ZFAND4: variants seen among roughly 807,000 people sequenced by gnomAD.
The protein encoded by ZFAND4 is AN1-type zinc finger protein 4.
Under a neutral mutation model 64.4 loss-of-function variants are expected in ZFAND4, and 43 were observed. That is an observed-to-expected ratio of 0.67 (90% CI 0.52 to 0.86). ZFAND4 has a LOEUF of 0.86. Among genes scored for constraint, ZFAND4 ranks in the 40% least tolerant of loss-of-function variants. The probability of loss-of-function intolerance (pLI) is 0.00; values close to 1 mark genes in which losing one functional copy is unlikely to be tolerated. For missense variants in ZFAND4, 929 were observed against 859.8 expected, an observed-to-expected ratio of 1.08 and a Z score of -1.01; for synonymous variants, 296 against 305.7, an observed-to-expected ratio of 0.97 and a Z score of 0.33.
At chr10:45,619,437 T>C (rs1292366315) in intron 8 of ZFAND4, among the ~76,000 whole-genome samples, 3 of 152,186 alleles carry the variant, frequency 2.0e-5, no homozygotes, top group African/African-American at 4.8e-5. Context: ...TCAAAGTTCC[T>C]GCCCATAGTT....
At position 45,626,397 on chromosome 10, in the gene ZFAND4, G is replaced by C; in HGVS notation, c.1426C>G (p.Arg476Gly). 6.2e-7 allele frequency: 1 copy of C among 1,614,086 alleles called. No individual in the cohort carries two copies. Among genetic ancestry groups the C allele is most frequent in the Non-Finnish European group, 8.5e-7 (1 of 1,180,040 alleles). Residue 476 changes from arginine (R) to glycine (G), a missense_variant, in exon 7 of 10, where the codon CGC becomes GGC. By Grantham distance (125) the Arg-to-Gly change is moderately radical (BLOSUM62 -2). Transcript: ENST00000344646. ...PHKNRLLSPL[R>G]CSAPMSLHNS... ...TGTAGCGACATTGGTGCAGAACAGC[G>C]AAGAGGTGACAAGAGTCTATTCTTG...
intron 1 of ZFAND4, among the ~76,000 whole-genome samples, chr10:45,666,985 G>C (rs537061481): frequency 3.9e-5 from 6 of 152,252 alleles, no homozygotes; most frequent in African/African-American, 1.2e-4. Flanking sequence ...TCCTTGAATT[G>C]CCATATGAAT....
rs766773865 is a variant in ZFAND4 at position 45,640,329 on chromosome 10, C to A, written c.570-366G>T. The A allele has an allele frequency of 1.1e-4, 135 of 1,249,576 alleles. No individual in the cohort carries two copies. The Middle Eastern group carries it at 2.0e-3, about 19-fold the overall frequency. The allele number at this position is 1,249,576 out of a possible 1,614,324, so 77.4% of individuals were successfully genotyped here. A position where few individuals can be genotyped will look rare whatever the true frequency, so the allele number is the denominator to read the frequency against. On this transcript the variant is annotated intron_variant, in intron 5 of 9. Transcript: ENST00000344646. Reference sequence around the variant, plus strand: ...AAGGCTGATAATTGTGCAACCCAGACAACAGGCTGATGAGATTTCCATGAA... The same window carrying A: ...AAGGCTGATAATTGTGCAACCCAGAAAACAGGCTGATGAGATTTCCATGAA...
At chr10:45,645,566 T>C (rs1489087503) in intron 5 of ZFAND4, among the ~76,000 whole-genome samples, 1 of 152,226 alleles carries the variant, frequency 6.6e-6, no homozygotes, top group East Asian at 1.9e-4. Flanking sequence ...CTTCATAATG[T>C]TTCATAATGA....
At position 45,616,359 on chromosome 10, in the gene ZFAND4, A is replaced by C; in HGVS notation, c.*77T>G. On this transcript the variant is annotated 3_prime_UTR_variant, in exon 10 of 10. Coordinates refer to ENST00000344646, the MANE Select transcript of ZFAND4 (RefSeq NM_174890.4). ...TGGCAAATCTTTTAGAGTCGAACAA[A>C]AATAATAGTCTAAACAACATTTCTT... 1 of 1,550,530 alleles carries C rather than the reference A, an allele frequency of 6.4e-7. No homozygotes were observed. Among genetic ancestry groups the C allele is most frequent in the Non-Finnish European group, 8.7e-7 (1 of 1,148,658 alleles).
chr10:45,640,249 TCC>T, intron 5 of ZFAND4: 2 of 1,217,318 alleles, frequency 1.6e-6, no homozygotes, highest in Non-Finnish European at 2.1e-6. Context: ...GCCATATCAT[TCC>T]CAAAGAGGCA....
At chr10:45,630,736 A>G (rs1224365861) in intron 6 of ZFAND4, among the ~76,000 whole-genome samples, 5 of 152,000 alleles carry the variant, frequency 3.3e-5, no homozygotes, top group Non-Finnish European at 7.4e-5. Flanking sequence ...AAAAACAAAA[A>G]TACTGAGGAA....
intron 2 of ZFAND4, among the ~76,000 whole-genome samples, chr10:45,657,484 C>T (rs1214169530): frequency 6.6e-6 from 1 of 152,236 alleles, no homozygotes; most frequent in East Asian, 1.9e-4. Context: ...TTATGTATTA[C>T]TCATACAAAC....
rs1004003630 is a variant in ZFAND4 at position 45,652,988 on chromosome 10, A to T, written c.256T>A (p.Tyr86Asn). 3.1e-6 allele frequency: 5 copies of T among 1,610,828 alleles called. No homozygotes were observed. The highest frequency in any genetic ancestry group is 1.7e-5 in the Admixed American group (1 of 59,820). Reference protein sequence around the residue: ...ELENDYCLNDYNISEGCTLKL... With the variant: ...ELENDYCLNDNNISEGCTLKL... ...CCAATATGCAATTACACTCACTTGT[A>T]ATCATTCAAGCAATAATCATTTTCA... is the stretch of plus-strand genomic sequence containing the variant. The change falls in exon 3 of 10, where the codon TAC becomes AAC. Residue 86 changes from tyrosine to asparagine, a missense_variant. Tyr to Asn is a moderately radical substitution (Grantham distance 143, BLOSUM62 -2). Transcript: ENST00000344646.
chr10:45,624,140 C>T (rs1156401086), intron 8 of ZFAND4, among the ~76,000 whole-genome samples: 1 of 152,122 alleles, frequency 6.6e-6, no homozygotes. Context: ...AAGGGCTGGC[C>T]CTACAGACTG....
At position 45,659,489 on chromosome 10, in the gene ZFAND4, G is replaced by C. The variant is rs551742903; in HGVS notation, c.184+4053C>G. Among the ~76,000 whole-genome samples, 3 of 152,264 alleles carry C rather than the reference G, an allele frequency of 2.0e-5. No homozygotes were observed. In the South Asian group the frequency reaches 6.2e-4, roughly 32 times the overall value. On this transcript the variant is annotated intron_variant, in intron 2 of 9. Coordinates refer to ENST00000344646, the MANE Select transcript of ZFAND4 (RefSeq NM_174890.4). ...AACATTAAACACAGCCCAATTTCTA[G>C]CAAGTTGAAGATAAAACCTCACTCT...
chr10:45,662,506 G>A, intron 2 of ZFAND4: 1 of 720,858 alleles, frequency 1.4e-6, no homozygotes, highest in Non-Finnish European at 1.7e-6. Flanking sequence ...TCCAAAAAAG[G>A]TATCCTTTAA....
At position 45,616,437 on chromosome 10, in the gene ZFAND4, T is replaced by C. The variant is rs146432350; in HGVS notation, c.2183A>G (p.Ter728=). ...VVNAPKLPKI[*] ...GAACAGTAAGATGTAGAGGAAGAGT[T>C]AGATTTTTGGAAGCTTTGGTGCATT... is the stretch of plus-strand genomic sequence containing the variant. Residue 728 remains the stop codon, a stop_retained_variant, in exon 10 of 10, where the codon TAA becomes TGA. Coordinates refer to ENST00000344646, the MANE Select transcript of ZFAND4 (RefSeq NM_174890.4). The C allele has an allele frequency of 1.9e-6, 3 of 1,613,974 alleles. No individual in the cohort carries two copies. Among genetic ancestry groups the C allele is most frequent in the Middle Eastern group, 1.6e-4 (1 of 6,082 alleles).
chr10:45,635,195 C>CAAAAAAAAAAAAAAAAAACAAAAAAAAA lies in ZFAND4; in HGVS notation c.717+4593_717+4620dup, dbSNP rs2046478075. 3.3e-3 allele frequency among the ~76,000 whole-genome samples: 90 copies of CAAAAAAAAAAAAAAAAAACAAAAAAAAA among 27,566 alleles called. 2 individuals carry two copies. The highest frequency in any genetic ancestry group is 3.6e-3 in the African/African-American group (21 of 5,858). 18.1% of individuals were successfully genotyped at this position (27,566 alleles called of 152,430 possible). Reference sequence around the variant, plus strand: ...CACAGAATAGTCAAAGCCATCTAAGCAAAAAAAAAAAAAAAAAACAAAAAA... The same window carrying CAAAAAAAAAAAAAAAAAACAAAAAAAAA: ...CACAGAATAGTCAAAGCCATCTAAGCAAAAAAAAAAAAAAAAAACAAAAAAAAAAAAAAAAAAAAAAAAAAACAAAAAA... On this transcript the variant is annotated intron_variant, in intron 6 of 9. Coordinates refer to ENST00000344646, the MANE Select transcript of ZFAND4 (RefSeq NM_174890.4).
At chr10:45,656,501 C>CAAAAAAA (rs541781976) in intron 2 of ZFAND4, among the ~76,000 whole-genome samples, 28 of 24,640 alleles carry the variant, frequency 1.1e-3, no homozygotes, top group Non-Finnish European at 1.3e-3. Context: ...GAACCTGTCT[C>CAAAAAAA]AAAAAAAAAA....
At chr10:45,667,688 C>T (rs915669084) in intron 1 of ZFAND4, among the ~76,000 whole-genome samples, 5 of 152,032 alleles carry the variant, frequency 3.3e-5, no homozygotes, top group Non-Finnish European at 7.4e-5. Context: ...AGGCTGGTCT[C>T]GAACTGCTGA....
At chr10:45,666,521 C>T (rs2048836596) in intron 1 of ZFAND4, among the ~76,000 whole-genome samples, 1 of 149,738 alleles carries the variant, frequency 6.7e-6, no homozygotes, top group Non-Finnish European at 1.5e-5. Flanking sequence ...TCTTTTGAAA[C>T]ACAAAGGTTT....
intron 4 of ZFAND4, chr10:45,651,566 C>T (rs1459485685): frequency 6.4e-6 from 3 of 471,526 alleles, no homozygotes; most frequent in South Asian, 1.5e-5. Context: ...ACATCACAAA[C>T]CAGGTAAACA....
At chr10:45,671,762 C>G (rs1402253449) in intron 1 of ZFAND4, among the ~76,000 whole-genome samples, 1 of 151,434 alleles carries the variant, frequency 6.6e-6, no homozygotes, top group Non-Finnish European at 1.5e-5. Flanking sequence ...AGAAAACCAA[C>G]ATGGCACATG....
Sources: allele counts gnomAD v4.1 joint callset (sites outside exome capture counted in the v4.1 genomes callset), GRCh38; gene constraint gnomAD v4.1.1; transcripts MANE v1.5; gene names NCBI Gene and HGNC (gene_info 2026-07-23, HGNC 2026-07-21).